Variants in TGS1 observed in about 807,000 individuals in gnomAD.
TGS1 encodes the protein trimethylguanosine synthase 1, also known as trimethylguanosine synthase.
In TGS1, 69 loss-of-function variants were observed where a neutral mutation model predicts 92.2. That is an observed-to-expected ratio of 0.75 (90% CI 0.62 to 0.91). The LOEUF is 0.91. Among genes scored for constraint, TGS1 ranks in the 40% least tolerant of loss-of-function variants. The pLI, the probability that TGS1 is intolerant of heterozygous loss-of-function variation, is 0.00. For missense variants in TGS1, 1,062 were observed against 1,001.2 expected (o/e 1.06, Z -0.82); for synonymous variants, 345 against 338.1 (o/e 1.02, Z -0.22).
chr8:55,801,706 A>C (rs930136799), intron 8 of TGS1, among the ~76,000 whole-genome samples: 1 of 143,210 alleles, frequency 7.0e-6, no homozygotes. Context: ...CTTCTGTCTC[A>C]GCCTCCCAAG....
At chr8:55,806,061 A>T (rs2130203460) in intron 10 of TGS1, among the ~76,000 whole-genome samples, 1 of 151,642 alleles carries the variant, frequency 6.6e-6, no homozygotes, top group Non-Finnish European at 1.5e-5. Context: ...CTAGGCTCTT[A>T]AAAAAATTTG....
At position 55,809,497 on chromosome 8, in the gene TGS1, G is replaced by T. The variant is rs185334706; in HGVS notation, c.2144-1384G>T. On this transcript the variant is annotated intron_variant, in intron 10 of 12. Transcript: ENST00000260129. Reference sequence around the variant, plus strand: ...TTGTGGGGTGCAGGTGTTTCGCTCTGTCACCCAAGCTGGAGTGCAGTGGCA... The same window carrying T: ...TTGTGGGGTGCAGGTGTTTCGCTCTTTCACCCAAGCTGGAGTGCAGTGGCA... Among the ~76,000 whole-genome samples, 5 of 149,666 alleles carry T rather than the reference G, an allele frequency of 3.3e-5. No homozygotes were observed. The East Asian group carries it at 9.8e-4, about 29-fold the overall frequency.
intron 12 of TGS1, among the ~76,000 whole-genome samples, chr8:55,816,832 A>G (rs980213794): frequency 5.9e-5 from 9 of 151,892 alleles, no homozygotes; most frequent in South Asian, 2.1e-4. Context: ...TTGATGTTAG[A>G]TTTAATAATG....
intron 11 of TGS1, 49 bp downstream of exon 11, chr8:55,811,146 G>A: frequency 1.3e-6 from 1 of 754,016 alleles, no homozygotes; most frequent in Non-Finnish European, 2.0e-6. Context: ...ATTGTGGAGA[G>A]AAAGGAGCAT....
chr8:55,787,942 C>T (rs1037584929), intron 4 of TGS1, among the ~76,000 whole-genome samples: 1 of 152,180 alleles, frequency 6.6e-6, no homozygotes, highest in African/African-American at 2.4e-5. Flanking sequence ...TCAGATATTG[C>T]AGTAACTCAT....
intron 12 of TGS1, among the ~76,000 whole-genome samples, chr8:55,815,675 A>G (rs1425532862): frequency 6.6e-6 from 1 of 152,126 alleles, no homozygotes; most frequent in Non-Finnish European, 1.5e-5. Context: ...TACAAATACA[A>G]CTTATCTCAA....
intron 10 of TGS1, among the ~76,000 whole-genome samples, chr8:55,810,136 G>T (rs189497790): frequency 6.6e-6 from 1 of 152,168 alleles, no homozygotes; most frequent in African/African-American, 2.4e-5. Context: ...CAACCACGCC[G>T]TAAGCGTAAC....
intron 8 of TGS1, among the ~76,000 whole-genome samples, chr8:55,801,867 G>T (rs903114954): frequency 6.6e-6 from 1 of 151,844 alleles, no homozygotes; most frequent in Non-Finnish European, 1.5e-5. Context: ...GAGCCACCTC[G>T]CTCAGCCCAC....
chr8:55,785,923 CTCTT>C lies in TGS1; in HGVS notation c.339+33_339+36del, dbSNP rs140688886. The C allele has an allele frequency of 9.8e-5, 150 of 1,537,674 alleles. 1 individual carries two copies. In the African/African-American group the frequency reaches 1.8e-3, roughly 18 times the overall value. Reference sequence around the variant, plus strand: ...ATTAATTTACTTTTATTATTTCTCTCTCTTCGTTTTCTTTATAAAATATCGCAAG... The same window carrying C: ...ATTAATTTACTTTTATTATTTCTCTCCGTTTTCTTTATAAAATATCGCAAG... On this transcript the variant is annotated intron_variant, in intron 3 of 12. Transcript: ENST00000260129.
intron 3 of TGS1, 24 bp from the exon 4 acceptor site, chr8:55,786,214 A>G (rs1237213778): frequency 8.6e-7 from 1 of 1,163,650 alleles, no homozygotes; most frequent in South Asian, 1.6e-5. Flanking sequence ...TGCATTTTAT[A>G]TTCAAGTTAT....
rs564133447 is a variant in TGS1, at chr8:55,814,843, A to G, written c.2439+1725A>G. ...ACAGAGTGAGACTGTCTAAAAAAAAAAAGAAAGAAAGAAAAACGAACCATC... is the reference window on the plus strand; with the variant it reads ...ACAGAGTGAGACTGTCTAAAAAAAAGAAGAAAGAAAGAAAAACGAACCATC... On this transcript the variant is annotated intron_variant, in intron 12 of 12. Coordinates refer to ENST00000260129, the MANE Select transcript of TGS1 (RefSeq NM_024831.8). Among the ~76,000 whole-genome samples, 1,164 of 150,702 alleles carry G rather than the reference A, an allele frequency of 7.7e-3. 10 individuals carry two copies. The highest frequency in any genetic ancestry group is 0.021 in the Middle Eastern group (6 of 292).
intron 5 of TGS1, 46 bp downstream of exon 5, chr8:55,790,345 A>T: frequency 8.4e-7 from 1 of 1,183,850 alleles, no homozygotes; most frequent in Non-Finnish European, 1.3e-6. Flanking sequence ...TAGAGTAAGC[A>T]TTTGTATGCA....
intron 4 of TGS1, among the ~76,000 whole-genome samples, chr8:55,788,441 A>T: frequency 1.4e-5 from 2 of 143,684 alleles, no homozygotes; most frequent in African/African-American, 2.6e-5. Context: ...TATTTTGGTG[A>T]TACATTTTCA....
intron 12 of TGS1, among the ~76,000 whole-genome samples, chr8:55,820,516 C>T (rs1166179195): frequency 5.9e-5 from 9 of 152,032 alleles, no homozygotes; most frequent in African/African-American, 1.9e-4. Context: ...CCAGCCTGGG[C>T]GGTAGAGCCA....
At chr8:55,822,097 TCTCA>T (rs961136914) in intron 12 of TGS1, among the ~76,000 whole-genome samples, 1 of 149,632 alleles carries the variant, frequency 6.7e-6, no homozygotes, top group African/African-American at 2.5e-5. Context: ...TGAGGCAGAG[TCTCA>T]CTCTGTCGCC....
chr8:55,809,491 C>A lies in TGS1; in HGVS notation c.2144-1390C>A, dbSNP rs191963282. ...TTGCAGTTGTGGGGTGCAGGTGTTT[C>A]GCTCTGTCACCCAAGCTGGAGTGCA... is the stretch of plus-strand genomic sequence containing the variant. On this transcript the variant is annotated intron_variant, in intron 10 of 12. Coordinates refer to ENST00000260129, the MANE Select transcript of TGS1 (RefSeq NM_024831.8). Among the ~76,000 whole-genome samples the A allele has an allele frequency of 2.0e-3, 303 of 148,198 alleles. 1 individual carries two copies. The highest frequency in any genetic ancestry group is 7.0e-3 in the African/African-American group (282 of 40,226).
intron 11 of TGS1, among the ~76,000 whole-genome samples, chr8:55,812,688 A>C (rs2130233577): frequency 6.6e-6 from 1 of 152,140 alleles, no homozygotes; most frequent in African/African-American, 2.4e-5. Flanking sequence ...TGTCTCAAAA[A>C]TAAATAAGCA....
chr8:55,782,880 A>G (rs1811605766), intron 2 of TGS1, 68 bp downstream of exon 2: 5 of 980,588 alleles, frequency 5.1e-6, no homozygotes, highest in South Asian at 1.5e-5. Context: ...ATTTATGTAT[A>G]ATTTGTTATA....
chr8:55,806,332 G>A (rs1164260206), intron 10 of TGS1, among the ~76,000 whole-genome samples: 3 of 143,574 alleles, frequency 2.1e-5, no homozygotes, highest in South Asian at 2.2e-4. Context: ...ATTCCAGCCT[G>A]GGCAACAGAG....
Sources: gnomAD v4.1 joint callset for allele counts (sites outside exome capture counted in the v4.1 genomes callset) on GRCh38, gnomAD v4.1.1 for gene constraint, MANE v1.5 for transcripts, NCBI Gene and HGNC (gene_info 2026-07-23, HGNC 2026-07-21) for gene names.